The following POR variants were observed in gnomAD, a reference collection of about 807,000 sequenced individuals.
The protein encoded by POR is cytochrome p450 oxidoreductase.
Under a neutral mutation model 84.0 loss-of-function variants are expected in POR, and 56 were observed. The ratio of observed to expected loss-of-function variants is 0.67; its 90% CI spans 0.54 to 0.83. POR has a LOEUF of 0.83. Among genes scored for constraint, POR ranks in the 40% least tolerant of loss-of-function variants. The pLI is 0.00. For synonymous variants in POR, 414 were observed against 400.5 expected, an observed-to-expected ratio of 1.03 and a Z score of -0.40; for missense variants, 938 against 944.3, an observed-to-expected ratio of 0.99 and a Z score of 0.09.
chr7:75,948,126 AG>A (rs1209444682), intron 1 of POR, among the ~76,000 whole-genome samples: 2 of 152,216 alleles, frequency 1.3e-5, no homozygotes, highest in Non-Finnish European at 2.9e-5. Context: ...CGGTGAGCAC[AG>A]CCCGGTGGGA....
intron 2 of POR, among the ~76,000 whole-genome samples, chr7:75,965,645 C>G (rs1788146478): frequency 6.6e-6 from 1 of 152,170 alleles, no homozygotes. Flanking sequence ...TCTTCTCTGT[C>G]TCCGGAAAAT....
chr7:75,939,127 C>T (rs370918835), intron 1 of POR, among the ~76,000 whole-genome samples: 12 of 152,350 alleles, frequency 7.9e-5, no homozygotes, highest in South Asian at 6.2e-4. Flanking sequence ...CATGTCTGCT[C>T]CTGCCTGAAC....
intron 1 of POR, among the ~76,000 whole-genome samples, chr7:75,927,263 T>C (rs1554549636): frequency 3.3e-5 from 5 of 152,050 alleles, no homozygotes; most frequent in Non-Finnish European, 2.9e-5. Context: ...CCCAGCACTT[T>C]GGGAGATTGA....
intron 5 of POR, 162 bp from the exon 6 acceptor site, chr7:75,980,885 TG>T: frequency 9.3e-7 from 1 of 1,074,548 alleles, no homozygotes; most frequent in Non-Finnish European, 1.3e-6. Context: ...GCCTCTTCAG[TG>T]GCCCAGTGTT....
At position 75,986,080 on chromosome 7, in the gene POR, G is replaced by T; in HGVS notation, c.1815+12G>T. 6.4e-7 allele frequency: 1 copy of T among 1,565,568 alleles called. No homozygotes were observed. The highest frequency in any genetic ancestry group is 8.6e-7 in the Non-Finnish European group (1 of 1,156,078). ...AGCAGTCCCACAAGGTGAGACGGGC[G>T]GGCACCCACGAAGGTGGGCATGAGG... On this transcript the variant is annotated intron_variant, in intron 14 of 15. Coordinates refer to ENST00000461988, the MANE Select transcript of POR (RefSeq NM_000941.3).
intron 1 of POR, among the ~76,000 whole-genome samples, chr7:75,942,811 G>A (rs538746637): frequency 6.6e-6 from 1 of 152,014 alleles, no homozygotes; most frequent in South Asian, 2.1e-4. Flanking sequence ...CGCAATATAA[G>A]TTTTGCATAT....
At chr7:75,936,975 C>T (rs890747941) in intron 1 of POR, among the ~76,000 whole-genome samples, 5 of 151,244 alleles carry the variant, frequency 3.3e-5, no homozygotes, top group South Asian at 2.1e-4. Flanking sequence ...TACAGGCGCC[C>T]GCCACCACAC....
intron 1 of POR, among the ~76,000 whole-genome samples, chr7:75,939,794 G>T (rs1343643033): frequency 3.9e-5 from 6 of 152,032 alleles, no homozygotes; most frequent in Admixed American, 3.3e-4. Context: ...TTTTAGTAGA[G>T]ACTGGGTTTC....
intron 6 of POR, 134 bp from the exon 7 acceptor site, chr7:75,981,383 T>C (rs922943124): frequency 9.9e-6 from 12 of 1,207,162 alleles, no homozygotes; most frequent in Non-Finnish European, 1.3e-5. Context: ...GCTCTGGGTT[T>C]ATGTCGCTGG....
chr7:75,983,669 C>T (rs1554558498), intron 9 of POR, 33 bp downstream of exon 9: 3 of 1,607,844 alleles, frequency 1.9e-6, no homozygotes, highest in Non-Finnish European at 8.5e-7. Context: ...CCTGAACCCT[C>T]ACTCTGGGCC....
intron 3 of POR, among the ~76,000 whole-genome samples, chr7:75,975,334 C>T (rs782796539): frequency 2.3e-4 from 35 of 152,082 alleles, no homozygotes; most frequent in Non-Finnish European, 4.1e-4. Flanking sequence ...TGAAATGCCA[C>T]CTTTATCATA....
chr7:75,972,988 A>G (rs535494445), intron 3 of POR, among the ~76,000 whole-genome samples: 2 of 152,058 alleles, frequency 1.3e-5, no homozygotes, highest in East Asian at 3.9e-4. Flanking sequence ...ACGCCCAGCT[A>G]ATTTTTGTAT....
At position 75,986,649 on chromosome 7, in the gene POR, T is replaced by G; in HGVS notation, c.*168T>G. On this transcript the variant is annotated 3_prime_UTR_variant, in exon 16 of 16. Coordinates refer to ENST00000461988, the MANE Select transcript of POR (RefSeq NM_000941.3). ...CATCCTCCTCAGCCCCCAGGCCAGG[T>G]GAGGTCCACCGGCCCCTGGCAGCAC... is the stretch of plus-strand genomic sequence containing the variant. 1.2e-6 allele frequency: 1 copy of G among 838,862 alleles called. No individual in the cohort carries two copies. The highest frequency in any genetic ancestry group is 1.8e-6 in the Non-Finnish European group (1 of 552,450). The allele number at this position is 838,862 out of a possible 1,614,324, so 52.0% of individuals were successfully genotyped here. A position where few individuals can be genotyped will look rare whatever the true frequency, so the allele number is the denominator to read the frequency against.
At chr7:75,951,692 G>A (rs1052390015) in intron 1 of POR, among the ~76,000 whole-genome samples, 7 of 152,206 alleles carry the variant, frequency 4.6e-5, no homozygotes, top group Non-Finnish European at 8.8e-5. Context: ...TTGAGTCTGG[G>A]TGCTCTGGTT....
At chr7:75,985,555 G>C in intron 12 of POR, 24 bp from the exon 13 acceptor site, 6 of 1,506,592 alleles carry the variant, frequency 4.0e-6, no homozygotes, top group Non-Finnish European at 5.3e-6. Flanking sequence ...TGTGGCGGTG[G>C]AGCTCACACG....
At chr7:75,984,247 GC>G (rs1554558653) in intron 10 of POR, among the ~76,000 whole-genome samples, 2 of 152,126 alleles carry the variant, frequency 1.3e-5, no homozygotes, top group East Asian at 3.9e-4. Context: ...GCCCTCCCAG[GC>G]CCCCAAGGGT....
chr7:75,949,390 G>A lies in POR; in HGVS notation c.-4-4599G>A, dbSNP rs111695342. ...AGGCTGGTCTTGAACTCCTGACCTC[G>A]TGATCCACCCGCCTCGGCCTCCCAA... On this transcript the variant is annotated intron_variant, in intron 1 of 15. Transcript: ENST00000461988. Among the ~76,000 whole-genome samples, 999 of 151,518 alleles carry A rather than the reference G, an allele frequency of 6.6e-3. 9 individuals are homozygous for A. The highest frequency in any genetic ancestry group is 0.023 in the African/African-American group (964 of 41,312).
chr7:75,927,462 A>G (rs1807186627), intron 1 of POR, among the ~76,000 whole-genome samples: 1 of 152,006 alleles, frequency 6.6e-6, no homozygotes, highest in South Asian at 2.1e-4. Flanking sequence ...GTCTCAAAAA[A>G]AAAACAACAA....
At chr7:75,924,140 G>T (rs1239967517) in intron 1 of POR, among the ~76,000 whole-genome samples, 16 of 151,940 alleles carry the variant, frequency 1.1e-4, no homozygotes, top group African/African-American at 3.6e-4. Flanking sequence ...CAAGCCCGGG[G>T]ACATAATTGA....
Sources: allele counts gnomAD v4.1 joint callset (sites outside exome capture counted in the v4.1 genomes callset), GRCh38; gene constraint gnomAD v4.1.1; transcripts MANE v1.5; gene names NCBI Gene and HGNC (gene_info 2026-07-23, HGNC 2026-07-21).